Variants in JMJD1C observed in about 807,000 individuals in gnomAD.
The protein encoded by JMJD1C is jumonji domain-containing protein 1C.
Under a neutral mutation model 245.3 loss-of-function variants are expected in JMJD1C, and 31 were observed. The observed-to-expected ratio is 0.13, with a 90% confidence interval of 0.09 to 0.17. The LOEUF is 0.17. Ranked by LOEUF, JMJD1C falls within the 10% of genes least tolerant of loss-of-function variation. The probability of loss-of-function intolerance (pLI) is 1.00; values close to 1 mark genes in which losing one functional copy is unlikely to be tolerated. For synonymous variants in JMJD1C, 1,057 were observed against 1,017.4 expected, an observed-to-expected ratio of 1.04 and a Z score of -0.74; for missense variants, 2,691 against 3,000.2, an observed-to-expected ratio of 0.90 and a Z score of 2.41.
At chr10:63,337,604 AAAAGAAAAG>A (rs1364423544) in intron 2 of JMJD1C, among the ~76,000 whole-genome samples, 5 of 109,914 alleles carry the variant, frequency 4.5e-5, no homozygotes, top group South Asian at 2.8e-4. Context: ...AAAAGAAAAG[AAAAGAAAAG>A]AAAAGAAAAG....
At chr10:63,517,786 C>CTTTTTTTTTTTTTT (rs11361305) in intron 1 of JMJD1C, among the ~76,000 whole-genome samples, 1 of 72,542 alleles carries the variant, frequency 1.4e-5, no homozygotes, top group Non-Finnish European at 2.5e-5. Context: ...CTAATGGCCA[C>CTTTTTTTTTTTTTT]TTTTTTTTTT....
chr10:63,426,093 T>C (rs1652194548), intron 1 of JMJD1C, among the ~76,000 whole-genome samples: 1 of 152,138 alleles, frequency 6.6e-6, no homozygotes, highest in Admixed American at 6.5e-5. Context: ...AAGAATTTCT[T>C]GCCAGGCCTG....
At chr10:63,267,850 A>T (rs10761731) in intron 2 of JMJD1C, among the ~76,000 whole-genome samples, 58,415 of 151,978 alleles carry the variant, frequency 0.38, 11,599 homozygotes, top group South Asian at 0.5. Flanking sequence ...GGCCTACCAA[A>T]CTATAGGAAG....
At chr10:63,444,439 A>G (rs1951573899) in intron 1 of JMJD1C, among the ~76,000 whole-genome samples, 1 of 151,292 alleles carries the variant, frequency 6.6e-6, no homozygotes, top group Non-Finnish European at 1.5e-5. Flanking sequence ...ACACCCATCT[A>G]ATTTTTGTAT....
At chr10:63,326,868 A>G (rs1420628175) in intron 2 of JMJD1C, among the ~76,000 whole-genome samples, 5 of 152,106 alleles carry the variant, frequency 3.3e-5, no homozygotes, top group African/African-American at 4.8e-5. Flanking sequence ...AACAAGAGTG[A>G]AACTCTGTCT....
chr10:63,505,343 G>A (rs1433210491), intron 1 of JMJD1C, among the ~76,000 whole-genome samples: 3 of 149,030 alleles, frequency 2.0e-5, no homozygotes, highest in South Asian at 2.1e-4. Context: ...AAGCTTCCTC[G>A]AGTGATTTTT....
chr10:63,342,537 G>C (rs1943470842), intron 2 of JMJD1C, among the ~76,000 whole-genome samples: 1 of 152,184 alleles, frequency 6.6e-6, no homozygotes, highest in African/African-American at 2.4e-5. Flanking sequence ...ACAATGTACA[G>C]TAACCTTTTA....
rs1844735517 is a variant in JMJD1C at position 63,191,040 on chromosome 10, T to C, written c.6145A>G (p.Asn2049Asp). 3 of 1,614,214 alleles carry C rather than the reference T, an allele frequency of 1.9e-6. No individual in the cohort carries two copies. Among genetic ancestry groups the C allele is most frequent in the Non-Finnish European group, 2.5e-6 (3 of 1,180,006 alleles). ...GACACAAGAGGTGATGTTCTGCCATTTGGAGATTCAGAGTTGTCTTGTTCT... is the reference window on the plus strand; with the variant it reads ...GACACAAGAGGTGATGTTCTGCCATCTGGAGATTCAGAGTTGTCTTGTTCT... Reference protein sequence around the residue: ...EREQDNSESPNGRTSPLVSQN... With the variant: ...EREQDNSESPDGRTSPLVSQN... The change falls in exon 17 of 26, where the codon AAT becomes GAT. Residue 2049 changes from asparagine to aspartate, a missense_variant. This residue lies in a region of JMJD1C where 275 missense variants were observed against 285.5 expected (regional missense o/e 0.96). Transcript: ENST00000399262.
At chr10:63,367,075 A>C (rs1945902251) in intron 2 of JMJD1C, among the ~76,000 whole-genome samples, 1 of 152,212 alleles carries the variant, frequency 6.6e-6, no homozygotes, top group South Asian at 2.1e-4. Context: ...CTGGGTGTAA[A>C]TCTTTAAACA....
chr10:63,455,675 A>G (rs1002588783), intron 1 of JMJD1C, among the ~76,000 whole-genome samples: 1 of 152,144 alleles, frequency 6.6e-6, no homozygotes, highest in African/African-American at 2.4e-5. Context: ...AGAACTGTGT[A>G]ATCTAATTTT....
At chr10:63,263,036 T>G (rs1316017572) in intron 3 of JMJD1C, among the ~76,000 whole-genome samples, 1 of 152,202 alleles carries the variant, frequency 6.6e-6, no homozygotes. Context: ...GTTCCTTTGA[T>G]TTCACCTAGA....
At chr10:63,281,908 G>A (rs914981217) in intron 2 of JMJD1C, among the ~76,000 whole-genome samples, 1 of 152,132 alleles carries the variant, frequency 6.6e-6, no homozygotes, top group African/African-American at 2.4e-5. Context: ...AGAAACTGAG[G>A]TTAACCTAAA....
chr10:63,504,788 C>T (rs1322591273), intron 1 of JMJD1C, among the ~76,000 whole-genome samples: 2 of 152,106 alleles, frequency 1.3e-5, no homozygotes, highest in Admixed American at 6.5e-5. Flanking sequence ...CATCTATAAT[C>T]CCAGCACACT....
Position 63,198,500 on chromosome 10 carries a change from T to A in JMJD1C, c.5491+13A>T. On this transcript the variant is annotated intron_variant, in intron 12 of 25. Transcript: ENST00000399262. The stretch of plus-strand genomic sequence containing the variant: ...GAAATTTGTGCAGTTCATGTTATAT[T>A]TAACTTCCTTACCATCCTTTTTCAC... 6.6e-7 allele frequency: 1 copy of A among 1,517,532 alleles called. No individual in the cohort carries two copies. Among genetic ancestry groups the A allele is most frequent in the East Asian group, 2.3e-5 (1 of 43,856 alleles). 94.0% of individuals were successfully genotyped at this position (1,517,532 alleles called of 1,614,324 possible).
At chr10:63,379,059 A>G (rs1474083408) in intron 2 of JMJD1C, among the ~76,000 whole-genome samples, 1 of 151,970 alleles carries the variant, frequency 6.6e-6, no homozygotes. Flanking sequence ...TCATATCTCC[A>G]CTGACTTCTT....
chr10:63,419,966 T>C (rs923251388), intron 1 of JMJD1C, among the ~76,000 whole-genome samples: 3 of 151,128 alleles, frequency 2.0e-5, no homozygotes, highest in East Asian at 2.0e-4. Context: ...TGAAACCCCG[T>C]CTCTATTAAA....
At chr10:63,423,127 G>A (rs1950225687) in intron 1 of JMJD1C, among the ~76,000 whole-genome samples, 2 of 151,980 alleles carry the variant, frequency 1.3e-5, no homozygotes, top group Admixed American at 6.6e-5. Flanking sequence ...ACCACACCCA[G>A]CTAATTTTTG....
chr10:63,214,361 A>C lies in JMJD1C; in HGVS notation c.1806T>G (p.Pro602=). ...EKEKYVSYIS[P]LSAVSVMEDK... ...CTTCCATGACAGAAACTGCACTTAA[A>C]GGAGAAATGTAAGAGACATACTTCT... The change falls in exon 8 of 26, where the codon CCT becomes CCG. Residue 602 remains proline (P), a synonymous_variant. Coordinates refer to ENST00000399262, the MANE Select transcript of JMJD1C (RefSeq NM_032776.3). 3 of 1,614,078 alleles carry C rather than the reference A, an allele frequency of 1.9e-6. No individual in the cohort carries two copies. Among genetic ancestry groups the C allele is most frequent in the Non-Finnish European group, 2.5e-6 (3 of 1,180,014 alleles).
At chr10:63,249,108 G>A (rs1315081433) in intron 3 of JMJD1C, among the ~76,000 whole-genome samples, 1 of 152,166 alleles carries the variant, frequency 6.6e-6, no homozygotes, top group African/African-American at 2.4e-5. Context: ...CTGAGGTCAG[G>A]AGTTCAAGAC....
Sources: allele counts gnomAD v4.1 joint callset (sites outside exome capture counted in the v4.1 genomes callset), GRCh38; gene constraint gnomAD v4.1.1; regional missense constraint gnomAD v4.1.1; transcripts MANE v1.5; gene names NCBI Gene and HGNC (gene_info 2026-07-23, HGNC 2026-07-21).